The following DNAH11 variants were observed in gnomAD, a reference collection of about 807,000 sequenced individuals.
DNAH11 encodes the protein axonemal beta dynein heavy chain 11.
Under a neutral mutation model 526.0 loss-of-function variants are expected in DNAH11, and 442 were observed. That is an observed-to-expected ratio of 0.84 (90% confidence interval 0.78 to 0.91). DNAH11 has a LOEUF of 0.91. DNAH11 is among the 40% of genes least tolerant of loss of function. DNAH11 has a pLI of 0.00. For missense variants in DNAH11, 6,989 were observed against 5,448.7 expected (o/e 1.28, Z -8.90); for synonymous variants, 2,461 against 1,935.9 (o/e 1.27, Z -7.12).
At chr7:21,613,476 CTA>C (rs1013903766) in intron 20 of DNAH11, among the ~76,000 whole-genome samples, 5 of 152,052 alleles carry the variant, frequency 3.3e-5, no homozygotes, top group Non-Finnish European at 5.9e-5. Context: ...CATTTTAAAA[CTA>C]AAAGAATTGC....
At chr7:21,777,235 A>G (rs960113337) in intron 56 of DNAH11, among the ~76,000 whole-genome samples, 1 of 152,146 alleles carries the variant, frequency 6.6e-6, no homozygotes, top group Non-Finnish European at 1.5e-5. Context: ...CTGAGATCCA[A>G]CCGAGGTATT....
intron 54 of DNAH11, among the ~76,000 whole-genome samples, chr7:21,759,959 A>C (rs1032824744): frequency 6.6e-6 from 1 of 152,238 alleles, no homozygotes; most frequent in African/African-American, 2.4e-5. Flanking sequence ...GGAAGTACGT[A>C]GATGGTGATT....
intron 45 of DNAH11, among the ~76,000 whole-genome samples, chr7:21,731,338 C>A (rs1785376171): frequency 6.6e-6 from 1 of 152,070 alleles, no homozygotes; most frequent in South Asian, 2.1e-4. Context: ...TAGTTGTAAC[C>A]TGGAGAAACC....
chr7:21,649,832 A>C (rs1224636156), intron 28 of DNAH11, among the ~76,000 whole-genome samples: 2 of 151,900 alleles, frequency 1.3e-5, no homozygotes, highest in African/African-American at 4.8e-5. Flanking sequence ...TGGCCAGCTA[A>C]TTTTTGTATT....
chr7:21,838,892 T>C (rs1378390778), intron 65 of DNAH11, among the ~76,000 whole-genome samples: 2 of 152,062 alleles, frequency 1.3e-5, no homozygotes, highest in Admixed American at 6.6e-5. Flanking sequence ...CACCACACCA[T>C]GCTAATTTTA....
chr7:21,623,688 C>T (rs1442296136), intron 25 of DNAH11, among the ~76,000 whole-genome samples: 1 of 151,970 alleles, frequency 6.6e-6, no homozygotes, highest in Admixed American at 6.6e-5. Context: ...AATTGGAAAT[C>T]ATCATTCTCA....
Position 21,739,665 on chromosome 7 carries a change from A to C in DNAH11, c.7906A>C (p.Arg2636=). 1 of 1,611,340 alleles carries C rather than the reference A, an allele frequency of 6.2e-7. No individual in the cohort carries two copies. The highest frequency in any genetic ancestry group is 8.5e-7 in the Non-Finnish European group (1 of 1,178,468). Residue 2636 remains arginine, a synonymous_variant, in exon 48 of 82, where the codon AGG becomes CGG. Coordinates refer to ENST00000409508, the MANE Select transcript of DNAH11 (RefSeq NM_001277115.2). ...PMVGSFTINP[R]LQRHFTVFAF... ...GGTGGGCAGCTTCACCATCAATCCC[A>C]GGCTACAGGTAGGGTGTTGAATACT...
intron 74 of DNAH11, among the ~76,000 whole-genome samples, chr7:21,873,784 C>CTTTGTTTTTT (rs1783590985): frequency 1.4e-5 from 1 of 70,700 alleles, no homozygotes; most frequent in African/African-American, 6.1e-5. Context: ...GAGGAGGTTG[C>CTTTGTTTTTT]TTTTTTTTTT....
intron 66 of DNAH11, among the ~76,000 whole-genome samples, chr7:21,844,005 T>G (rs776834717): frequency 2.4e-4 from 37 of 152,226 alleles, no homozygotes; most frequent in Non-Finnish European, 4.7e-4. Context: ...ACAACATTAT[T>G]CATATTTTGA....
chr7:21,586,537 T>C (rs953640517), intron 9 of DNAH11, among the ~76,000 whole-genome samples: 9 of 152,214 alleles, frequency 5.9e-5, no homozygotes, highest in African/African-American at 2.2e-4. Context: ...AGTTACATTT[T>C]AGTTTCTATA....
At chr7:21,644,437 C>G (rs115329278) in intron 28 of DNAH11, among the ~76,000 whole-genome samples, 1 of 152,034 alleles carries the variant, frequency 6.6e-6, no homozygotes, top group Admixed American at 6.6e-5. Context: ...AGACTCAATA[C>G]GTGCATGGTA....
intron 6 of DNAH11, among the ~76,000 whole-genome samples, chr7:21,569,324 A>G (rs1450113517): frequency 6.6e-6 from 1 of 152,192 alleles, no homozygotes; most frequent in Admixed American, 6.5e-5. Context: ...AAGAGGTAGC[A>G]TACAAAAGAA....
At chr7:21,616,365 G>C in intron 22 of DNAH11, 73 bp downstream of exon 22, 1 of 1,187,758 alleles carries the variant, frequency 8.4e-7, no homozygotes, top group Admixed American at 1.9e-5. Context: ...CCCTAATCTA[G>C]TATCTGGTGT....
intron 42 of DNAH11, 109 bp from the exon 43 acceptor site, chr7:21,717,666 T>A: frequency 7.7e-7 from 1 of 1,305,626 alleles, no homozygotes; most frequent in South Asian, 1.4e-5. Context: ...ACTAAACGTG[T>A]CCTTGAAGTG....
In DNAH11 at chr7:21,744,915, C is replaced by G. The variant is rs147478795; in HGVS notation, c.8362C>G (p.His2788Asp). 1,278 of 1,611,142 alleles carry G rather than the reference C, an allele frequency of 7.9e-4. 12 individuals carry two copies. The African/African-American group carries it at 0.016, about 20-fold the overall frequency. ...MLLQQPLIYC[H>D]FADRGKDPHY... ...GCTTCAACAGCCCCTCATTTATTGCCACTTTGCTGATAGAGGGAAGGACCC... is the reference window on the plus strand; with the variant it reads ...GCTTCAACAGCCCCTCATTTATTGCGACTTTGCTGATAGAGGGAAGGACCC... Residue 2788 changes from histidine to aspartate, a missense_variant, in exon 51 of 82, where the codon CAC becomes GAC. Coordinates refer to ENST00000409508, the MANE Select transcript of DNAH11 (RefSeq NM_001277115.2).
chr7:21,757,055 G>A (rs977437015), intron 54 of DNAH11, among the ~76,000 whole-genome samples: 2 of 152,178 alleles, frequency 1.3e-5, no homozygotes, highest in African/African-American at 4.8e-5. Flanking sequence ...ATGGAGGGAA[G>A]GAGGAATGGA....
chr7:21,705,458 A>G lies in DNAH11; in HGVS notation c.6469-2A>G. 6.2e-7 allele frequency: 1 copy of G among 1,613,584 alleles called. No homozygotes were observed. The highest frequency in any genetic ancestry group is 8.5e-7 in the Non-Finnish European group (1 of 1,179,648). On this transcript the variant is annotated splice_acceptor_variant, in intron 38 of 81. Transcript: ENST00000409508. LOFTEE classifies it high-confidence loss of function. ...ACCAGCAACCAGCTGTTTGCTCTGC[A>G]GGTTGTCCAGCTTGAGGAACTGTTG...
At chr7:21,545,229 A>C in intron 2 of DNAH11, 80 bp downstream of exon 2, 1 of 1,244,904 alleles carries the variant, frequency 8.0e-7, no homozygotes, top group Non-Finnish European at 1.1e-6. Flanking sequence ...TCCGATAATT[A>C]AAAAAAGAAG....
At chr7:21,869,096 C>G (rs1311916641) in intron 73 of DNAH11, 105 bp downstream of exon 73, 27 of 1,501,572 alleles carry the variant, frequency 1.8e-5, no homozygotes, top group Admixed American at 4.4e-5. Flanking sequence ...CTGTGCATGG[C>G]GATTTGCAGA....
Sources: allele counts gnomAD v4.1 joint callset (sites outside exome capture counted in the v4.1 genomes callset), GRCh38; gene constraint gnomAD v4.1.1; transcripts MANE v1.5; gene names NCBI Gene and HGNC (gene_info 2026-07-23, HGNC 2026-07-21).